The following XPR1 variants were observed in gnomAD, a reference collection of about 807,000 sequenced individuals.
The protein encoded by XPR1 is solute carrier family 53 member 1.
XPR1 carries 28 observed loss-of-function variants against 87.5 expected under a neutral mutation model. The ratio of observed to expected loss-of-function variants is 0.32; its 90% CI spans 0.24 to 0.44. The LOEUF (loss-of-function observed/expected upper bound fraction) is 0.44, where lower values mean the gene tolerates loss of function less well. XPR1 is among the 20% of genes least tolerant of loss of function. The pLI is 1.00. For synonymous variants in XPR1, 300 were observed against 306.1 expected (o/e 0.98, Z 0.21); for missense variants, 559 against 862.3 (o/e 0.65, Z 4.41).
At chr1:180,654,225 A>G (rs866141831) in intron 1 of XPR1, among the ~76,000 whole-genome samples, 1 of 151,920 alleles carries the variant, frequency 6.6e-6, no homozygotes, top group South Asian at 2.1e-4. Context: ...GGTCAGCCTA[A>G]TCTAACCTAG....
intron 14 of XPR1, among the ~76,000 whole-genome samples, chr1:180,882,364 G>GT (rs1158565611): frequency 6.6e-6 from 1 of 152,044 alleles, no homozygotes; most frequent in African/African-American, 2.4e-5. Context: ...TTGTTTGTTT[G>GT]TTTTTTTGAA....
At chr1:180,643,425 T>A (rs1361601262) in intron 1 of XPR1, among the ~76,000 whole-genome samples, 1 of 152,192 alleles carries the variant, frequency 6.6e-6, no homozygotes, top group Non-Finnish European at 1.5e-5. Context: ...CGTTCTAGAT[T>A]TGATGAAATA....
chr1:180,641,085 A>G (rs1248067229), intron 1 of XPR1, among the ~76,000 whole-genome samples: 1 of 151,726 alleles, frequency 6.6e-6, no homozygotes, highest in Non-Finnish European at 1.5e-5. Context: ...AAGCCAGTCT[A>G]CCTAAGTTTA....
At chr1:180,834,069 A>G (rs1218340406) in intron 9 of XPR1, among the ~76,000 whole-genome samples, 1 of 151,778 alleles carries the variant, frequency 6.6e-6, no homozygotes, top group African/African-American at 2.4e-5. Context: ...TGACTTAGAA[A>G]TGTACATATT....
At chr1:180,706,623 T>C (rs1205260254) in intron 2 of XPR1, among the ~76,000 whole-genome samples, 1 of 152,132 alleles carries the variant, frequency 6.6e-6, no homozygotes, top group Non-Finnish European at 1.5e-5. Flanking sequence ...TTTTTTTTTT[T>C]TTCCCCGAGG....
At chr1:180,682,335 T>C (rs762569684) in intron 1 of XPR1, 25 bp from the exon 2 acceptor site, 3 of 1,561,240 alleles carry the variant, frequency 1.9e-6, no homozygotes, top group Admixed American at 1.8e-5. Context: ...TGATTTCATA[T>C]ATTGTTTTTC....
chr1:180,692,990 A>G (rs529217265), intron 2 of XPR1, among the ~76,000 whole-genome samples: 1 of 152,332 alleles, frequency 6.6e-6, no homozygotes, highest in African/African-American at 2.4e-5. Flanking sequence ...TGTTTTAGTT[A>G]TCACACAGTG....
intron 1 of XPR1, among the ~76,000 whole-genome samples, chr1:180,676,037 A>G (rs1656358159): frequency 6.6e-6 from 1 of 152,192 alleles, no homozygotes; most frequent in Non-Finnish European, 1.5e-5. Context: ...CGAAAATTTG[A>G]TTCAGTTTTA....
intron 3 of XPR1, among the ~76,000 whole-genome samples, chr1:180,794,270 A>G (rs1482360981): frequency 2.0e-5 from 3 of 152,232 alleles, no homozygotes; most frequent in Non-Finnish European, 2.9e-5. Flanking sequence ...AAACAATGGT[A>G]AATATTTATG....
rs563231803 is a variant in XPR1 at position 180,829,260 on chromosome 1, C to CT, written c.1134+3922dup. 7.3e-4 allele frequency among the ~76,000 whole-genome samples: 111 copies of CT among 152,214 alleles called. 9 individuals are homozygous for CT. In the East Asian group the frequency reaches 0.011, roughly 15 times the overall value. On this transcript the variant is annotated intron_variant, in intron 9 of 14. Coordinates refer to ENST00000367590, the MANE Select transcript of XPR1 (RefSeq NM_004736.4). Reference sequence around the variant, plus strand: ...CATGTTCTTTGTAATAATTTAGTGGCTTTTTTGTGTAGGTGGTAAAATATC... The same window carrying CT: ...CATGTTCTTTGTAATAATTTAGTGGCTTTTTTTGTGTAGGTGGTAAAATATC...
At chr1:180,671,553 C>G (rs1401074043) in intron 1 of XPR1, among the ~76,000 whole-genome samples, 1 of 152,042 alleles carries the variant, frequency 6.6e-6, no homozygotes, top group African/African-American at 2.4e-5. Context: ...GAGACGGAGT[C>G]TCGTCCTGTC....
In XPR1 at chr1:180,787,822, A is replaced by T. The variant is rs1281851774; in HGVS notation, c.191A>T (p.Lys64Ile). The T allele has an allele frequency of 6.2e-7, 1 of 1,613,622 alleles. No homozygotes were observed. Among genetic ancestry groups the T allele is most frequent in the Non-Finnish European group, 8.5e-7 (1 of 1,179,870 alleles). The part of the protein sequence containing the change: ...FEEKFFQTCE[K>I]ELAKINTFYS... ...GAGAAGTTTTTCCAAACCTGTGAAA[A>T]AGAACTTGCCAAAATCAACACATTT... The change falls in exon 3 of 15, where the codon AAA (lysine) becomes ATA (isoleucine). Residue 64 changes from lysine to isoleucine, a missense_variant. Transcript: ENST00000367590.
At chr1:180,837,748 A>T (rs1651350953) in intron 11 of XPR1, among the ~76,000 whole-genome samples, 1 of 152,172 alleles carries the variant, frequency 6.6e-6, no homozygotes, top group South Asian at 2.1e-4. Context: ...AAGGAAACAC[A>T]TCCCCAAAGT....
chr1:180,692,421 GA>G (rs1657023878), intron 2 of XPR1, among the ~76,000 whole-genome samples: 10 of 152,160 alleles, frequency 6.6e-5, no homozygotes, highest in African/African-American at 2.4e-4. Context: ...CTTTAAGAAT[GA>G]TATATTTTAT....
intron 1 of XPR1, among the ~76,000 whole-genome samples, chr1:180,636,101 A>C (rs1361027712): frequency 6.6e-6 from 1 of 152,232 alleles, no homozygotes; most frequent in Non-Finnish European, 1.5e-5. Flanking sequence ...GTTCTGCATG[A>C]ACTACACTTC....
rs955473305 is a variant in XPR1 at position 180,812,649 on chromosome 1, CTTTTTTTTT to C, written c.763+1170_763+1178del. ...GCCACTCTTGTCTAAGCAGCCATTT[CTTTTTTTTT>C]TTTTTTTTGACACGGGGTCTCACAC... is the stretch of plus-strand genomic sequence containing the variant. On this transcript the variant is annotated intron_variant, in intron 7 of 14. Coordinates refer to ENST00000367590, the MANE Select transcript of XPR1 (RefSeq NM_004736.4). Among the ~76,000 whole-genome samples, 440 of 134,326 alleles carry C rather than the reference CTTTTTTTTT, an allele frequency of 3.3e-3. 4 individuals are homozygous for C. Among genetic ancestry groups the C allele is most frequent in the African/African-American group, 0.011 (397 of 36,374 alleles). 88.1% of individuals were successfully genotyped at this position (134,326 alleles called of 152,430 possible). A position where few individuals can be genotyped will look rare whatever the true frequency, so the allele number is the denominator to read the frequency against.
At chr1:180,641,341 A>G (rs531328214) in intron 1 of XPR1, among the ~76,000 whole-genome samples, 150 of 152,312 alleles carry the variant, frequency 9.8e-4, no homozygotes, top group African/African-American at 3.4e-3. Flanking sequence ...TGTTTGGCTA[A>G]TATTATTTTT....
chr1:180,640,921 C>T (rs879374364), intron 1 of XPR1, among the ~76,000 whole-genome samples: 1 of 152,164 alleles, frequency 6.6e-6, no homozygotes, highest in Admixed American at 6.6e-5. Context: ...TTTAGCTCAA[C>T]TTCCTTTTTT....
chr1:180,804,502 A>G (rs375862640), intron 4 of XPR1, among the ~76,000 whole-genome samples: 4 of 152,022 alleles, frequency 2.6e-5, no homozygotes, highest in African/African-American at 9.6e-5. Flanking sequence ...CTTATGCACT[A>G]TTTTTTTTCT....
Sources: gnomAD v4.1 joint callset for allele counts (sites outside exome capture counted in the v4.1 genomes callset) on GRCh38, gnomAD v4.1.1 for gene constraint, MANE v1.5 for transcripts, NCBI Gene and HGNC (gene_info 2026-07-23, HGNC 2026-07-21) for gene names.